STX2: variants seen among roughly 807,000 people sequenced by gnomAD.
The protein encoded by STX2 is syntaxin-2.
In STX2, 27 loss-of-function variants were observed where a neutral mutation model predicts 40.6. The ratio of observed to expected loss-of-function variants is 0.66; its 90% CI spans 0.49 to 0.92. STX2 has a LOEUF of 0.92. Ranked by LOEUF, STX2 falls within the 40% of genes least tolerant of loss-of-function variation. The pLI, the probability that STX2 is intolerant of heterozygous loss-of-function variation, is 0.00. For missense variants in STX2, 328 were observed against 366.1 expected, an observed-to-expected ratio of 0.90 and a Z score of 0.85; for synonymous variants, 123 against 119.1, an observed-to-expected ratio of 1.03 and a Z score of -0.22.
chr12:130,808,597 C>T lies in STX2; in HGVS notation c.354+34G>A, dbSNP rs373711330. ...GAAAGTAAAAACACTTATTCTGCGACATTACTTTAATCTAAACGAGGCTGA... is the reference window on the plus strand; with the variant it reads ...GAAAGTAAAAACACTTATTCTGCGATATTACTTTAATCTAAACGAGGCTGA... On this transcript the variant is annotated intron_variant, in intron 5 of 10. Transcript: ENST00000392373. The T allele has an allele frequency of 4.0e-5, 63 of 1,572,234 alleles. No individual in the cohort carries two copies. The African/African-American group carries it at 8.2e-4, about 20-fold the overall frequency.
chr12:130,814,204 T>C (rs1219173758), intron 3 of STX2, among the ~76,000 whole-genome samples: 1 of 152,118 alleles, frequency 6.6e-6, no homozygotes, highest in Non-Finnish European at 1.5e-5. Context: ...ACTTTCTGTG[T>C]GCAGGCCCGT....
intron 3 of STX2, among the ~76,000 whole-genome samples, chr12:130,815,963 T>C (rs560137262): frequency 6.6e-6 from 1 of 152,272 alleles, no homozygotes; most frequent in African/African-American, 2.4e-5. Flanking sequence ...AAATGCCTTA[T>C]AAAATGGGGC....
chr12:130,801,047 C>G (rs922047674), intron 8 of STX2, 106 bp downstream of exon 8: 11 of 1,327,594 alleles, frequency 8.3e-6, no homozygotes, highest in Non-Finnish European at 1.1e-5. Context: ...TTTGGTGGAT[C>G]CAAAATAACA....
chr12:130,835,686 C>T (rs1233374994), intron 1 of STX2, among the ~76,000 whole-genome samples: 2 of 152,152 alleles, frequency 1.3e-5, no homozygotes, highest in Non-Finnish European at 2.9e-5. Context: ...TCTCTGCACC[C>T]AGCACATGAT....
At chr12:130,817,616 A>G (rs538313898) in intron 3 of STX2, among the ~76,000 whole-genome samples, 9 of 152,280 alleles carry the variant, frequency 5.9e-5, no homozygotes, top group African/African-American at 1.9e-4. Context: ...CCTTATAAGA[A>G]GAGGGAAAAA....
chr12:130,827,184 C>T lies in STX2; in HGVS notation c.105+9G>A, dbSNP rs147369149. ...CAGGCTATGATTGGGTTTCATTAAA[C>T]GCTCTTACCTGATGGAAGAAATCAT... is the stretch of plus-strand genomic sequence containing the variant. On this transcript the variant is annotated intron_variant, in intron 2 of 10. Transcript: ENST00000392373. 8 of 1,611,368 alleles carry T rather than the reference C, an allele frequency of 5.0e-6. No homozygotes were observed. Among genetic ancestry groups the T allele is most frequent in the South Asian group, 3.3e-5 (3 of 90,970 alleles).
chr12:130,803,215 T>C (rs1247971588), intron 6 of STX2, among the ~76,000 whole-genome samples: 3 of 152,172 alleles, frequency 2.0e-5, no homozygotes, highest in African/African-American at 7.2e-5. Context: ...AAAAATCTAT[T>C]TGAGAGCACA....
intron 9 of STX2, 118 bp from the exon 10 acceptor site, chr12:130,796,238 A>T (rs944051202): frequency 7.6e-7 from 1 of 1,320,728 alleles, no homozygotes; most frequent in Non-Finnish European, 1.0e-6. Context: ...TCACGCCTGT[A>T]ATCTCAGCAC....
intron 4 of STX2, among the ~76,000 whole-genome samples, chr12:130,809,705 T>C (rs1951575415): frequency 6.6e-6 from 1 of 152,146 alleles, no homozygotes; most frequent in African/African-American, 2.4e-5. Flanking sequence ...TAATCCCAGC[T>C]ACTCGGGAGG....
At chr12:130,831,171 C>G (rs1199259993) in intron 1 of STX2, among the ~76,000 whole-genome samples, 4 of 152,198 alleles carry the variant, frequency 2.6e-5, no homozygotes, top group Admixed American at 6.5e-5. Flanking sequence ...CAAAGCTGGA[C>G]AGAATCCTGG....
At chr12:130,830,414 C>A (rs907178528) in intron 1 of STX2, among the ~76,000 whole-genome samples, 5 of 152,126 alleles carry the variant, frequency 3.3e-5, no homozygotes, top group African/African-American at 4.8e-5. Context: ...GCGCGATGCA[C>A]CCCCCACAGT....
Position 130,798,558 on chromosome 12 carries a change from T to C in STX2, c.753A>G (p.Lys251=), listed in dbSNP as rs760909804. Residue 251 remains lysine, a synonymous_variant, in exon 9 of 11, where the codon AAA becomes AAG. Coordinates refer to ENST00000392373, the MANE Select transcript of STX2 (RefSeq NM_194356.4). ...DYVEHAKEET[K]KAIKYQSKAR... ...CCTTGCTCTGATATTTGATAGCTTT[T>C]TTTGTTTCTTCTTTAGCGTGTTCTA... The C allele has an allele frequency of 1.2e-6, 2 of 1,605,808 alleles. No individual in the cohort carries two copies. Among genetic ancestry groups the C allele is most frequent in the Non-Finnish European group, 1.7e-6 (2 of 1,177,878 alleles).
chr12:130,802,208 T>G (rs1021731144), intron 6 of STX2, among the ~76,000 whole-genome samples: 1 of 152,234 alleles, frequency 6.6e-6, no homozygotes, highest in Non-Finnish European at 1.5e-5. Flanking sequence ...TTTGTCGCTT[T>G]GTTTTTTGAG....
chr12:130,802,290 C>T (rs1014948402), intron 6 of STX2, among the ~76,000 whole-genome samples: 3 of 152,074 alleles, frequency 2.0e-5, no homozygotes, highest in Non-Finnish European at 2.9e-5. Context: ...CTCTTCCTCC[C>T]GGGTTCAAGC....
At chr12:130,818,656 G>T (rs1272267650) in intron 3 of STX2, among the ~76,000 whole-genome samples, 4 of 2,672 alleles carry the variant, frequency 1.5e-3, no homozygotes, top group African/African-American at 1.5e-3. Context: ...CGGCGCTGGA[G>T]ATGGAGACGA....
chr12:130,812,488 T>C (rs953534187), intron 4 of STX2: 2 of 343,326 alleles, frequency 5.8e-6, no homozygotes, highest in African/African-American at 4.5e-5. Context: ...AGATTGTTTT[T>C]GATCTTGATG....
chr12:130,789,763 C>G lies in STX2; in HGVS notation c.*2260G>C, dbSNP rs1459147796. 1.3e-5 allele frequency: 2 copies of G among 152,612 alleles called. No homozygotes were observed. The highest frequency in any genetic ancestry group is 3.8e-4 in the East Asian group (2 of 5,198). The allele number at this position is 152,612 out of a possible 1,614,324, so 9.5% of individuals were successfully genotyped here. Reference sequence around the variant, plus strand: ...ACCGATTAAAAAGTCTCAAGTGAATCTGTAAATACATTTTTAAGTCTGACT... The same window carrying G: ...ACCGATTAAAAAGTCTCAAGTGAATGTGTAAATACATTTTTAAGTCTGACT... On this transcript the variant is annotated 3_prime_UTR_variant, in exon 11 of 11. Coordinates refer to ENST00000392373, the MANE Select transcript of STX2 (RefSeq NM_194356.4).
At chr12:130,828,916 G>A (rs955983169) in intron 1 of STX2, among the ~76,000 whole-genome samples, 9 of 150,926 alleles carry the variant, frequency 6.0e-5, no homozygotes, top group South Asian at 4.2e-4. Context: ...GCAATCAACC[G>A]ACAAGCAGCA....
rs1288674152 is a variant in STX2 at position 130,838,195 on chromosome 12, A to G, written c.30+875T>C. ...AGCATGAATTAGTACCTGTATTGTAAAGGGAAAAAGTCATAACTACTTCTG... is the reference window on the plus strand; with the variant it reads ...AGCATGAATTAGTACCTGTATTGTAGAGGGAAAAAGTCATAACTACTTCTG... On this transcript the variant is annotated intron_variant, in intron 1 of 10. Transcript: ENST00000392373. 2.6e-5 allele frequency among the ~76,000 whole-genome samples: 4 copies of G among 152,192 alleles called. No homozygotes were observed. In the East Asian group the frequency reaches 7.7e-4, roughly 29 times the overall value.
Sources: allele counts gnomAD v4.1 joint callset (sites outside exome capture counted in the v4.1 genomes callset), GRCh38; gene constraint gnomAD v4.1.1; transcripts MANE v1.5; gene names NCBI Gene and HGNC (gene_info 2026-07-23, HGNC 2026-07-21).